Variants in SAMD3 observed in about 807,000 individuals in gnomAD.
The protein encoded by SAMD3 is sterile alpha motif domain containing 3.
SAMD3 carries 63 observed loss-of-function variants against 58.5 expected under a neutral mutation model. The observed-to-expected ratio is 1.08, with a 90% CI of 0.88 to 1.33. The LOEUF (loss-of-function observed/expected upper bound fraction) is 1.33, where lower values mean the gene tolerates loss of function less well. Ranked by LOEUF, SAMD3 falls within the 40% of genes most tolerant of loss-of-function variation. The probability of loss-of-function intolerance (pLI) is 0.00; values close to 1 mark genes in which losing one functional copy is unlikely to be tolerated. For missense variants in SAMD3, 604 were observed against 608.4 expected (o/e 0.99, Z 0.08); for synonymous variants, 220 against 210.3 (o/e 1.05, Z -0.40).
chr6:130,237,265 T>A (rs1373204548), intron 2 of SAMD3, among the ~76,000 whole-genome samples: 2 of 152,200 alleles, frequency 1.3e-5, no homozygotes, highest in Non-Finnish European at 2.9e-5. Context: ...AATGGTAACT[T>A]ATTATTAAAA....
downstream of SAMD3, chr6:130,142,993 G>T (rs1372276095): frequency 6.6e-6 from 1 of 152,212 alleles, no homozygotes; most frequent in Non-Finnish European, 1.5e-5. Flanking sequence ...AATGACTTGT[G>T]CCAAATTGTT....
chr6:130,356,020 T>G (rs902014491), intron 1 of SAMD3, among the ~76,000 whole-genome samples: 1 of 152,244 alleles, frequency 6.6e-6, no homozygotes, highest in East Asian at 1.9e-4. Flanking sequence ...GTTCCTTTTT[T>G]TCAATTGCCA....
chr6:130,154,875 G>A lies in SAMD3; in HGVS notation c.973C>T (p.Pro325Ser). The A allele has an allele frequency of 1.2e-6, 2 of 1,613,298 alleles. No homozygotes were observed. Among genetic ancestry groups the A allele is most frequent in the Non-Finnish European group, 1.7e-6 (2 of 1,179,754 alleles). The change falls in exon 9 of 12, where the codon CCT becomes TCT. Residue 325 changes from proline (P) to serine (S), a missense_variant. Transcript: ENST00000439090. The stretch of plus-strand genomic sequence containing the variant: ...AACAGTTTAAGAATGTCCTTCAGAG[G>A]TGTTCGGCTGCCAATCATCTTTCTT... Reference protein sequence around the residue: ...IRRKMIGSRTPLKDILKLFPF... With the variant: ...IRRKMIGSRTSLKDILKLFPF...
intron 1 of SAMD3, among the ~76,000 whole-genome samples, chr6:130,354,893 A>G (rs1777780394): frequency 1.3e-5 from 2 of 152,220 alleles, no homozygotes. Context: ...GCCTCCTTTG[A>G]GACCTGCTAA....
chr6:130,222,236 G>C (rs886791440), intron 1 of SAMD3, among the ~76,000 whole-genome samples: 1 of 152,150 alleles, frequency 6.6e-6, no homozygotes, highest in Non-Finnish European at 1.5e-5. Context: ...CTAAGAATGT[G>C]CCTAAAGACA....
intron 1 of SAMD3, among the ~76,000 whole-genome samples, chr6:130,324,116 T>C (rs1776677962): frequency 1.3e-5 from 2 of 152,190 alleles, no homozygotes. Flanking sequence ...TCAAAATGTC[T>C]TAACATTTTA....
rs767311386 is a variant in SAMD3 at position 130,214,345 on chromosome 6, T to C, written c.261A>G (p.Ala87=). The C allele has an allele frequency of 1.3e-6, 2 of 1,591,228 alleles. No homozygotes were observed. Among genetic ancestry groups the C allele is most frequent in the South Asian group, 2.3e-5 (2 of 86,634 alleles). The change falls in exon 4 of 12, where the codon GCA becomes GCG. Residue 87 remains alanine, a synonymous_variant. Transcript: ENST00000439090. ...TTTATGAACATACTCACTCTCGAGC[T>C]GCTTCTGTTTGCATGACCAGGGCTG... ...KKAALVMQTE[A]ARDYRDEESS... is the part of the protein sequence containing the mutation.
intron 1 of SAMD3, among the ~76,000 whole-genome samples, chr6:130,336,209 G>A (rs1777094962): frequency 6.6e-6 from 1 of 152,078 alleles, no homozygotes. Context: ...AATGTATTAA[G>A]CATGTTACAT....
Position 130,144,704 on chromosome 6 carries a change from TCCAC to T in SAMD3, c.1375_1378del (p.Val459ThrfsTer10), listed in dbSNP as rs754161426. 1 of 1,614,060 alleles carries T rather than the reference TCCAC, an allele frequency of 6.2e-7. No homozygotes were observed. Among genetic ancestry groups the T allele is most frequent in the South Asian group, 1.1e-5 (1 of 90,996 alleles). ...CGCAGCCAAGGCTGTAACACAGTCGTCCACCTTTGTGAGCCTCTCCCTTTCTAAA... is the reference window on the plus strand; with the variant it reads ...CGCAGCCAAGGCTGTAACACAGTCGTCTTTGTGAGCCTCTCCCTTTCTAAA... On this transcript the variant is annotated frameshift_variant, in exon 12 of 12. Transcript: ENST00000439090. LOFTEE classifies it high-confidence loss of function.
At chr6:130,180,433 C>A (rs1304240442) in intron 7 of SAMD3, among the ~76,000 whole-genome samples, 2 of 151,652 alleles carry the variant, frequency 1.3e-5, no homozygotes, top group Non-Finnish European at 2.9e-5. Context: ...CCACTCCCAG[C>A]TGTTCTTATA....
At chr6:130,281,195 G>A (rs571987714) in intron 2 of SAMD3, among the ~76,000 whole-genome samples, 1 of 152,276 alleles carries the variant, frequency 6.6e-6, no homozygotes, top group African/African-American at 2.4e-5. Context: ...CTAATGACAG[G>A]TAACTGAAAT....
At chr6:130,183,899 AAGAC>A (rs1416300812) in intron 7 of SAMD3, among the ~76,000 whole-genome samples, 200 bp downstream of exon 7, 5 of 152,120 alleles carry the variant, frequency 3.3e-5, no homozygotes, top group African/African-American at 1.2e-4. Context: ...CAGAAAGTGA[AAGAC>A]AGAAACAAAG....
intron 2 of SAMD3, among the ~76,000 whole-genome samples, chr6:130,294,391 A>G (rs551554852): frequency 1.3e-5 from 2 of 152,264 alleles, no homozygotes; most frequent in African/African-American, 4.8e-5. Flanking sequence ...TTGCTTGAAC[A>G]CTGTGTGTAT....
intron 2 of SAMD3, among the ~76,000 whole-genome samples, chr6:130,238,453 G>A (rs1773242366): frequency 6.6e-6 from 1 of 151,964 alleles, no homozygotes; most frequent in African/African-American, 2.4e-5. Flanking sequence ...ATATGAGTAA[G>A]GAGGAACAAT....
intron 1 of SAMD3, among the ~76,000 whole-genome samples, chr6:130,220,500 A>G (rs1582965807): frequency 6.6e-6 from 1 of 152,310 alleles, no homozygotes; most frequent in East Asian, 1.9e-4. Context: ...TGGTTCAGCA[A>G]CACAGATTAC....
chr6:130,203,925 C>T (rs1171054541), intron 5 of SAMD3, among the ~76,000 whole-genome samples: 1 of 152,180 alleles, frequency 6.6e-6, no homozygotes, highest in Non-Finnish European at 1.5e-5. Flanking sequence ...GCCTGAACTA[C>T]CTGTGTGAAA....
intron 5 of SAMD3, among the ~76,000 whole-genome samples, chr6:130,188,267 C>A (rs964394426): frequency 6.6e-5 from 10 of 152,194 alleles, no homozygotes; most frequent in Non-Finnish European, 1.5e-4. Context: ...CTCAGGTGAG[C>A]ACCAGCTCTC....
chr6:130,244,911 C>T (rs1172037878), intron 2 of SAMD3, among the ~76,000 whole-genome samples: 3 of 152,058 alleles, frequency 2.0e-5, no homozygotes, highest in Non-Finnish European at 2.9e-5. Flanking sequence ...TAAATGTTTG[C>T]CATTTTTGCT....
chr6:130,187,772 G>C (rs1793140181), intron 5 of SAMD3, among the ~76,000 whole-genome samples: 1 of 152,128 alleles, frequency 6.6e-6, no homozygotes, highest in Non-Finnish European at 1.5e-5. Context: ...GGAGCAGACA[G>C]CAGTTCAACC....
Sources: allele counts gnomAD v4.1 joint callset (sites outside exome capture counted in the v4.1 genomes callset), GRCh38; gene constraint gnomAD v4.1.1; transcripts MANE v1.5; gene names NCBI Gene and HGNC (gene_info 2026-07-23, HGNC 2026-07-21).